The following RGS22 variants were observed in gnomAD, a reference collection of about 807,000 sequenced individuals.
The protein encoded by RGS22 is regulator of G-protein signaling 22.
In RGS22, 148 loss-of-function variants were observed where a neutral mutation model predicts 172.9. The observed-to-expected ratio is 0.86, with a 90% confidence interval of 0.75 to 0.98. The LOEUF is 0.98. Among genes scored for constraint, RGS22 ranks in the 50% least tolerant of loss-of-function variants. The pLI is 0.00. For missense variants in RGS22, 1,347 were observed against 1,440.8 expected (o/e 0.93, Z 1.05); for synonymous variants, 458 against 480.2 (o/e 0.95, Z 0.60).
chr8:100,081,766 T>C (rs766141929), intron 3 of RGS22, among the ~76,000 whole-genome samples: 5 of 152,120 alleles, frequency 3.3e-5, no homozygotes, highest in African/African-American at 4.8e-5. Flanking sequence ...AGGAAATTAA[T>C]TAAACTTGGT....
chr8:100,056,666 A>G (rs886304819), intron 9 of RGS22, among the ~76,000 whole-genome samples: 1 of 152,100 alleles, frequency 6.6e-6, no homozygotes, highest in Non-Finnish European at 1.5e-5. Flanking sequence ...CAGCTTCCAC[A>G]TGGTGTTGAG....
In RGS22 at chr8:100,038,931, T is replaced by C. The variant is rs1431464342; in HGVS notation, c.2166A>G (p.Gln722=). ...TGAACCAATATTATTTACTACGTAC[T>C]TGCGCTTGCTTGCATACTTTAAAAG... ...LQPFKVCKQA[Q]YLFATYVAPS... is the part of the protein sequence containing the mutation. The change falls in exon 14 of 28, where the codon CAA becomes CAG. Residue 722 remains glutamine (Q), a splice_region_variant and synonymous_variant. Coordinates refer to ENST00000360863, the MANE Select transcript of RGS22 (RefSeq NM_015668.5). The C allele has an allele frequency of 1.9e-6, 3 of 1,600,400 alleles. No individual in the cohort carries two copies. The highest frequency in any genetic ancestry group is 2.6e-6 in the Non-Finnish European group (3 of 1,169,418).
Position 100,039,980 on chromosome 8 carries a change from G to T in RGS22, c.2046C>A (p.Cys682Ter). The change falls in exon 13 of 28, where the codon TGC becomes TGA. Residue 682 changes from cysteine (C) to a stop codon, truncating the protein, a stop_gained. Transcript: ENST00000360863. LOFTEE classifies it high-confidence loss of function. ...TTTCTACCTTGTTCCCTGAATGCTC[G>T]CAGAATTTAGTAAAGAAGAATCCAG... ...NRAGFFFTKF[C>*]EHSGNKLWKN... The T allele has an allele frequency of 6.4e-7, 1 of 1,564,874 alleles. No individual in the cohort carries two copies. The highest frequency in any genetic ancestry group is 8.6e-7 in the Non-Finnish European group (1 of 1,156,422).
intron 14 of RGS22, among the ~76,000 whole-genome samples, chr8:100,034,718 C>T (rs1024435295): frequency 6.6e-6 from 1 of 152,164 alleles, no homozygotes; most frequent in Admixed American, 6.5e-5. Context: ...TCAAACTATA[C>T]TCCAAGTCTA....
intron 20 of RGS22, among the ~76,000 whole-genome samples, chr8:99,990,408 A>G (rs1813595091): frequency 6.6e-6 from 1 of 152,150 alleles, no homozygotes; most frequent in African/African-American, 2.4e-5. Context: ...AATAAAACCC[A>G]GCTTTATTCA....
At chr8:100,058,124 G>C (rs766093980) in intron 9 of RGS22, among the ~76,000 whole-genome samples, 1 of 147,264 alleles carries the variant, frequency 6.8e-6, no homozygotes, top group Non-Finnish European at 1.5e-5. Context: ...CAAGAAGAAA[G>C]AATCAGTGAG....
Position 100,066,271 on chromosome 8 carries a change from C to A in RGS22, c.620G>T (p.Trp207Leu). ...CTGACTTTGTTTTGCTAATGCAAACCAATCTTTTGTTTGAGTATAGGAAGC... is the reference window on the plus strand; with the variant it reads ...CTGACTTTGTTTTGCTAATGCAAACAAATCTTTTGTTTGAGTATAGGAAGC... ...GEASYTQTKD[W>L]FALAKQSQQT... Residue 207 changes from tryptophan to leucine, a missense_variant, in exon 7 of 28, where the codon TGG (tryptophan) becomes TTG (leucine). Transcript: ENST00000360863. 6.2e-7 allele frequency: 1 copy of A among 1,613,052 alleles called. No homozygotes were observed. Among genetic ancestry groups the A allele is most frequent in the South Asian group, 1.1e-5 (1 of 91,020 alleles).
intron 15 of RGS22, among the ~76,000 whole-genome samples, chr8:100,007,840 A>G (rs1329800464): frequency 6.7e-6 from 1 of 150,326 alleles, no homozygotes; most frequent in African/African-American, 2.4e-5. Flanking sequence ...ACAGAGCGAG[A>G]CTCTGACTCA....
At chr8:100,085,147 A>G (rs938591819) in intron 3 of RGS22, among the ~76,000 whole-genome samples, 1 of 152,202 alleles carries the variant, frequency 6.6e-6, no homozygotes, top group African/African-American at 2.4e-5. Flanking sequence ...TCCATGTTTG[A>G]TACTCCATCA....
intron 11 of RGS22, among the ~76,000 whole-genome samples, chr8:100,046,982 T>A (rs1461784114): frequency 1.3e-5 from 2 of 152,006 alleles, no homozygotes; most frequent in African/African-American, 4.8e-5. Context: ...ACTCGGCTAA[T>A]TTTTTAAAAC....
At chr8:100,071,708 A>G (rs1810994411) in intron 5 of RGS22, among the ~76,000 whole-genome samples, 171 bp from the exon 6 acceptor site, 1 of 152,224 alleles carries the variant, frequency 6.6e-6, no homozygotes, top group African/African-American at 2.4e-5. Context: ...CTAATTAGTT[A>G]ATAATTATTC....
chr8:100,038,046 A>G (rs1420501170), intron 14 of RGS22, among the ~76,000 whole-genome samples: 1 of 152,140 alleles, frequency 6.6e-6, no homozygotes, highest in Non-Finnish European at 1.5e-5. Context: ...ATTATAAGAT[A>G]ATAAATAAAA....
chr8:100,009,763 C>T (rs1331327997), intron 14 of RGS22, among the ~76,000 whole-genome samples: 2 of 152,142 alleles, frequency 1.3e-5, no homozygotes, highest in Non-Finnish European at 2.9e-5. Context: ...AAGTAATAGT[C>T]TTATTTAAAA....
At chr8:100,083,194 C>T (rs1811891250) in intron 3 of RGS22, among the ~76,000 whole-genome samples, 1 of 152,108 alleles carries the variant, frequency 6.6e-6, no homozygotes, top group African/African-American at 2.4e-5. Flanking sequence ...GGGTTGGCTG[C>T]TCACATTACA....
At chr8:100,049,073 C>T (rs554398095) in intron 10 of RGS22, among the ~76,000 whole-genome samples, 1 of 152,134 alleles carries the variant, frequency 6.6e-6, no homozygotes, top group African/African-American at 2.4e-5. Context: ...TTTGAGCTTG[C>T]TGGCTTAGGT....
intron 14 of RGS22, among the ~76,000 whole-genome samples, chr8:100,025,359 G>A (rs926714695): frequency 6.6e-6 from 1 of 152,280 alleles, no homozygotes; most frequent in Admixed American, 6.5e-5. Context: ...TAATTGCCCA[G>A]CACTCCAGAA....
At chr8:100,008,286 C>T (rs935457992) in intron 15 of RGS22, 89 bp downstream of exon 15, 49 of 1,239,022 alleles carry the variant, frequency 4.0e-5, no homozygotes, top group Non-Finnish European at 5.5e-5. Flanking sequence ...GATCCACCCG[C>T]CTCGGCCTCC....
chr8:100,099,413 A>G (rs1813288726), intron 2 of RGS22, among the ~76,000 whole-genome samples: 1 of 152,190 alleles, frequency 6.6e-6, no homozygotes, highest in Non-Finnish European at 1.5e-5. Context: ...CTTTACAGGT[A>G]AAAAGAGGAT....
chr8:100,047,118 AACAATATTCTTG>A (rs1057319029), intron 11 of RGS22, among the ~76,000 whole-genome samples: 3 of 152,184 alleles, frequency 2.0e-5, no homozygotes, highest in African/African-American at 7.2e-5. Flanking sequence ...TCTGGTCAGT[AACAATATTCTTG>A]ACAATATTCT....
Sources: allele counts gnomAD v4.1 joint callset (sites outside exome capture counted in the v4.1 genomes callset), GRCh38; gene constraint gnomAD v4.1.1; transcripts MANE v1.5; gene names NCBI Gene and HGNC (gene_info 2026-07-23, HGNC 2026-07-21).